ENTHD1: variants seen among roughly 807,000 people sequenced by gnomAD.
ENTHD1 encodes ENTH domain containing 1, also known as ENTH domain-containing protein 1.
A neutral mutation model predicts 39.1 loss-of-function variants in ENTHD1; 23 were observed. That is an observed-to-expected ratio of 0.59 (90% CI 0.42 to 0.83). The LOEUF is 0.83. ENTHD1 is among the 40% of genes least tolerant of loss of function. The pLI is 0.00. For synonymous variants in ENTHD1, 230 were observed against 258.2 expected (o/e 0.89, Z 1.05); for missense variants, 624 against 705.4 (o/e 0.88, Z 1.31).
intron 5 of ENTHD1, among the ~76,000 whole-genome samples, chr22:39,813,952 TA>T (rs1381280800): frequency 6.6e-6 from 1 of 151,882 alleles, no homozygotes; most frequent in African/African-American, 2.4e-5. Context: ...CATTTTAGAG[TA>T]GCAATGAAAA....
chr22:39,884,949 T>C (rs188393673), intron 2 of ENTHD1, among the ~76,000 whole-genome samples: 63 of 152,310 alleles, frequency 4.1e-4, no homozygotes, highest in Admixed American at 9.1e-4. Context: ...ATGGAGCCCA[T>C]AGTTTCTTAT....
chr22:39,883,683 A>G (rs935339878), intron 2 of ENTHD1, among the ~76,000 whole-genome samples: 1 of 151,964 alleles, frequency 6.6e-6, no homozygotes, highest in South Asian at 2.1e-4. Context: ...ATTTCTATAC[A>G]CCAGCCATGA....
chr22:39,765,364 C>A lies in ENTHD1; in HGVS notation c.1078G>T (p.Ala360Ser). ...GAGAGACAGAGTGTTTCTACAGAGG[C>A]CTGGTTATGGAAAGTAGAATCTGAC... ...SKSDSTFHNQ[A>S]SVETLCLSPS... Residue 360 changes from alanine (A) to serine (S), a missense_variant, in exon 6 of 7, where the codon GCC becomes TCC. Physicochemically the swap from Ala to Ser is moderately conservative, Grantham distance 99. Coordinates refer to ENST00000325157, the MANE Select transcript of ENTHD1 (RefSeq NM_152512.4). 6.2e-7 allele frequency: 1 copy of A among 1,613,904 alleles called. No individual in the cohort carries two copies.
intron 5 of ENTHD1, among the ~76,000 whole-genome samples, chr22:39,794,083 A>G (rs570568390): frequency 6.6e-6 from 1 of 152,134 alleles, no homozygotes; most frequent in South Asian, 2.1e-4. Flanking sequence ...TATTTTTCCA[A>G]TCTATAAGCG....
chr22:39,809,798 G>A, intron 5 of ENTHD1, among the ~76,000 whole-genome samples: 1 of 152,188 alleles, frequency 6.6e-6, no homozygotes, highest in East Asian at 1.9e-4. Context: ...GAATACTGGG[G>A]TCCTGGAGCA....
At chr22:39,773,025 T>G (rs1009450247) in intron 5 of ENTHD1, among the ~76,000 whole-genome samples, 3 of 148,282 alleles carry the variant, frequency 2.0e-5, no homozygotes, top group African/African-American at 7.5e-5. Flanking sequence ...GGCTTATGCC[T>G]GTAATCCCAG....
At chr22:39,872,592 T>A (rs1443577833) in intron 2 of ENTHD1, among the ~76,000 whole-genome samples, 3 of 152,252 alleles carry the variant, frequency 2.0e-5, no homozygotes, top group Admixed American at 2.0e-4. Flanking sequence ...ATATCTCATC[T>A]ATAGCTTAAA....
At chr22:39,863,030 A>T (rs996528226) in intron 2 of ENTHD1, among the ~76,000 whole-genome samples, 1 of 152,184 alleles carries the variant, frequency 6.6e-6, no homozygotes, top group Non-Finnish European at 1.5e-5. Context: ...TCAAGGCGCC[A>T]TCTTGGAAGC....
chr22:39,854,340 AT>A (rs1312538187), intron 3 of ENTHD1, among the ~76,000 whole-genome samples: 1 of 152,212 alleles, frequency 6.6e-6, no homozygotes, highest in Non-Finnish European at 1.5e-5. Context: ...TTTTTCCATG[AT>A]ATGGAATGCT....
At chr22:39,792,711 G>C (rs2065514341) in intron 5 of ENTHD1, among the ~76,000 whole-genome samples, 1 of 152,130 alleles carries the variant, frequency 6.6e-6, no homozygotes, top group African/African-American at 2.4e-5. Context: ...TCCCTGTCTT[G>C]ACAAACTGGC....
intron 3 of ENTHD1, among the ~76,000 whole-genome samples, chr22:39,854,566 C>T (rs1180690765): frequency 6.6e-6 from 1 of 152,138 alleles, no homozygotes. Context: ...TATAATTGTC[C>T]TTTTTGTATT....
intron 5 of ENTHD1, among the ~76,000 whole-genome samples, chr22:39,774,166 T>C (rs545111247): frequency 6.6e-6 from 1 of 152,212 alleles, no homozygotes; most frequent in Non-Finnish European, 1.5e-5. Context: ...CCTCTTCAGA[T>C]GCCTCCAACG....
intron 1 of ENTHD1, among the ~76,000 whole-genome samples, chr22:39,892,285 T>C (rs1221683376): frequency 1.3e-5 from 2 of 152,222 alleles, no homozygotes; most frequent in Non-Finnish European, 2.9e-5. Context: ...CCCCATTTCA[T>C]CTGAATTCTA....
chr22:39,876,226 T>C (rs1257002648), intron 2 of ENTHD1: 31 of 1,210,566 alleles, frequency 2.6e-5, no homozygotes, highest in Non-Finnish European at 3.5e-5. Flanking sequence ...TAAGAATTGA[T>C]GATGTATTTG....
At chr22:39,793,479 A>G (rs1296561878) in intron 5 of ENTHD1, among the ~76,000 whole-genome samples, 1 of 151,926 alleles carries the variant, frequency 6.6e-6, no homozygotes, top group Non-Finnish European at 1.5e-5. Flanking sequence ...TTTGCTGTGT[A>G]GAAGCTTTTC....
intron 5 of ENTHD1, among the ~76,000 whole-genome samples, chr22:39,812,724 T>C (rs1419889187): frequency 1.3e-5 from 2 of 152,084 alleles, no homozygotes; most frequent in Non-Finnish European, 2.9e-5. Flanking sequence ...GCTACATCAC[T>C]AGCAGGGAAA....
intron 2 of ENTHD1, 85 bp downstream of exon 2, chr22:39,887,315 A>T: frequency 8.5e-7 from 1 of 1,178,474 alleles, no homozygotes; most frequent in Non-Finnish European, 1.2e-6. Flanking sequence ...GGGCTCATGC[A>T]GTCCTCCCAC....
In ENTHD1 at chr22:39,871,222, C is replaced by A. The variant is rs577829642; in HGVS notation, c.350-9215G>T. ...AAATAAATAAATAAATAAATAAATACGGACCTTCCTAGTGAGTATCTGAAT... is the reference window on the plus strand; with the variant it reads ...AAATAAATAAATAAATAAATAAATAAGGACCTTCCTAGTGAGTATCTGAAT... On this transcript the variant is annotated intron_variant, in intron 2 of 6. Transcript: ENST00000325157. 8.4e-5 allele frequency among the ~76,000 whole-genome samples: 12 copies of A among 142,458 alleles called. No individual in the cohort carries two copies. In the East Asian group the frequency reaches 1.1e-3, roughly 13 times the overall value. 93.5% of individuals were successfully genotyped at this position (142,458 alleles called of 152,430 possible).
intron 5 of ENTHD1, among the ~76,000 whole-genome samples, chr22:39,781,140 A>G (rs1165911804): frequency 6.6e-6 from 1 of 152,208 alleles, no homozygotes; most frequent in Non-Finnish European, 1.5e-5. Context: ...GAGTTAAACT[A>G]CACCCTAGAC....
Sources: allele counts gnomAD v4.1 joint callset (sites outside exome capture counted in the v4.1 genomes callset), GRCh38; gene constraint gnomAD v4.1.1; transcripts MANE v1.5; gene names NCBI Gene and HGNC (gene_info 2026-07-23, HGNC 2026-07-21).